PRTG: variants seen among roughly 807,000 people sequenced by gnomAD.
PRTG encodes the protein immunoglobulin superfamily, DCC subclass, member 5.
A neutral mutation model predicts 122.5 loss-of-function variants in PRTG; 67 were observed. That is an observed-to-expected ratio of 0.55 (90% CI 0.45 to 0.67). The LOEUF (loss-of-function observed/expected upper bound fraction) is 0.67. Among genes scored for constraint, PRTG ranks in the 30% least tolerant of loss-of-function variants. PRTG has a pLI of 0.00. For synonymous variants in PRTG, 554 were observed against 501.1 expected (o/e 1.11, Z -1.41); for missense variants, 1,435 against 1,415.4 (o/e 1.01, Z -0.22).
At chr15:55,687,944 C>T (rs550952935) in intron 2 of PRTG, among the ~76,000 whole-genome samples, 10 of 152,284 alleles carry the variant, frequency 6.6e-5, no homozygotes, top group Admixed American at 6.5e-4. Flanking sequence ...ATCTGGACAC[C>T]AATCCCAATC....
Position 55,620,530 on chromosome 15 carries a change from C to T in PRTG, c.3198+133G>A, listed in dbSNP as rs2059160461. 7 of 1,357,074 alleles carry T rather than the reference C, an allele frequency of 5.2e-6. No homozygotes were observed. In the Admixed American group the frequency reaches 8.9e-5, roughly 17 times the overall value. The allele number at this position is 1,357,074 out of a possible 1,614,324, so 84.1% of individuals were successfully genotyped here. A position where few individuals can be genotyped will look rare whatever the true frequency, so the allele number is the denominator to read the frequency against. On this transcript the variant is annotated intron_variant, in intron 19 of 19. Coordinates refer to ENST00000389286, the MANE Select transcript of PRTG (RefSeq NM_173814.6). Reference sequence around the variant, plus strand: ...ACCTCGCTCTCCACAGAGCCATGCCCCAAATTAATAAAATCACAGCCATGA... The same window carrying T: ...ACCTCGCTCTCCACAGAGCCATGCCTCAAATTAATAAAATCACAGCCATGA...
At chr15:55,735,238 A>G (rs950114488) in intron 2 of PRTG, among the ~76,000 whole-genome samples, 2 of 152,210 alleles carry the variant, frequency 1.3e-5, no homozygotes, top group African/African-American at 4.8e-5. Context: ...TGCCTGACTT[A>G]ACATTCTTTT....
At chr15:55,734,190 C>T (rs777666598) in intron 2 of PRTG, among the ~76,000 whole-genome samples, 2 of 152,162 alleles carry the variant, frequency 1.3e-5, no homozygotes, top group African/African-American at 4.8e-5. Flanking sequence ...GCTGAGATAC[C>T]TAACTACCAC....
In PRTG at chr15:55,616,535, C is replaced by T. The variant is rs1299278919; in HGVS notation, c.*3477G>A. On this transcript the variant is annotated 3_prime_UTR_variant, in exon 20 of 20. Transcript: ENST00000389286. Reference sequence around the variant, plus strand: ...CAAGGTGCTTTGGAAAGTATCACATCATTTGGCAAAAACATCATGTGGCTG... The same window carrying T: ...CAAGGTGCTTTGGAAAGTATCACATTATTTGGCAAAAACATCATGTGGCTG... 2 of 152,102 alleles carry T rather than the reference C, an allele frequency of 1.3e-5. No homozygotes were observed. Among genetic ancestry groups the T allele is most frequent in the African/African-American group, 2.4e-5 (1 of 41,422 alleles). 9.4% of individuals were successfully genotyped at this position (152,102 alleles called of 1,614,324 possible). A position where few individuals can be genotyped will look rare whatever the true frequency, so the allele number is the denominator to read the frequency against.
At chr15:55,635,657 T>C (rs1353869566) in intron 15 of PRTG, among the ~76,000 whole-genome samples, 1 of 152,218 alleles carries the variant, frequency 6.6e-6, no homozygotes, top group Non-Finnish European at 1.5e-5. Flanking sequence ...TTAGTGGGGC[T>C]TCCGCTTAAT....
At chr15:55,697,962 T>C (rs910387331) in intron 2 of PRTG, among the ~76,000 whole-genome samples, 2 of 152,198 alleles carry the variant, frequency 1.3e-5, no homozygotes, top group Admixed American at 1.3e-4. Flanking sequence ...ATAAACACCA[T>C]TGATTCTTCT....
At chr15:55,661,587 T>C (rs1466866291) in intron 11 of PRTG, among the ~76,000 whole-genome samples, 1 of 152,200 alleles carries the variant, frequency 6.6e-6, no homozygotes, top group Non-Finnish European at 1.5e-5. Context: ...CTCTTTCTTT[T>C]CTTTTTTAAG....
At chr15:55,740,074 G>A (rs558816506) in intron 2 of PRTG, among the ~76,000 whole-genome samples, 4 of 152,074 alleles carry the variant, frequency 2.6e-5, no homozygotes, top group East Asian at 1.9e-4. Flanking sequence ...CTTTTGTTGC[G>A]TTGGCCAAAC....
intron 17 of PRTG, 79 bp from the exon 18 acceptor site, chr15:55,624,586 A>C: frequency 2.4e-6 from 3 of 1,225,702 alleles, no homozygotes; most frequent in Non-Finnish European, 3.4e-6. Flanking sequence ...CTATCAACAA[A>C]ACTTTGTAAG....
intron 16 of PRTG, 109 bp from the exon 17 acceptor site, chr15:55,627,237 G>T: frequency 8.8e-6 from 5 of 567,050 alleles, no homozygotes; most frequent in South Asian, 3.4e-5. Flanking sequence ...CATAGGAAAA[G>T]TTTTGACATT....
chr15:55,672,971 C>T (rs1002408250), intron 10 of PRTG, among the ~76,000 whole-genome samples: 1 of 151,972 alleles, frequency 6.6e-6, no homozygotes, highest in African/African-American at 2.4e-5. Flanking sequence ...AACAAGAAAA[C>T]CAGTCGTGTT....
intron 2 of PRTG, among the ~76,000 whole-genome samples, chr15:55,693,462 A>G (rs2059616191): frequency 1.3e-5 from 2 of 152,114 alleles, no homozygotes; most frequent in Admixed American, 6.5e-5. Context: ...GTCTCAGAAA[A>G]AAAAAAAAAA....
intron 12 of PRTG, among the ~76,000 whole-genome samples, chr15:55,640,649 T>C (rs1340127805): frequency 1.3e-5 from 2 of 152,224 alleles, no homozygotes; most frequent in South Asian, 2.1e-4. Context: ...GTCTTTTGTA[T>C]GCAAAATGAA....
chr15:55,689,121 C>G (rs1244352394), intron 2 of PRTG, among the ~76,000 whole-genome samples: 1 of 152,194 alleles, frequency 6.6e-6, no homozygotes, highest in African/African-American at 2.4e-5. Flanking sequence ...TTCCCTTCCC[C>G]TCTTCAAAAC....
intron 18 of PRTG, among the ~76,000 whole-genome samples, chr15:55,623,741 G>A (rs752781329): frequency 1.3e-5 from 2 of 152,100 alleles, no homozygotes; most frequent in Non-Finnish European, 2.9e-5. Context: ...AATTTTAAAA[G>A]TTATTGTTCA....
At chr15:55,649,346 T>C (rs1376230659) in intron 11 of PRTG, among the ~76,000 whole-genome samples, 1 of 152,162 alleles carries the variant, frequency 6.6e-6, no homozygotes, top group Non-Finnish European at 1.5e-5. Flanking sequence ...TGTACCTTGG[T>C]TACAATCACC....
intron 11 of PRTG, among the ~76,000 whole-genome samples, chr15:55,642,120 G>A (rs1422374160): frequency 7.1e-5 from 10 of 141,508 alleles, no homozygotes; most frequent in Non-Finnish European, 1.5e-4. Context: ...CTTGCAGTGA[G>A]CCGAGATTGC....
Position 55,620,279 on chromosome 15 carries a change from A to T in PRTG, c.3199-13T>A. ...ATCTTCTTTGAGGCTAGGCAAAAAA[A>T]GATAAGATGGCAATGAGATACCAGA... On this transcript the variant is annotated splice_polypyrimidine_tract_variant and intron_variant, in intron 19 of 19. Transcript: ENST00000389286. 6.2e-7 allele frequency: 1 copy of T among 1,612,996 alleles called. No homozygotes were observed. Among genetic ancestry groups the T allele is most frequent in the Non-Finnish European group, 8.5e-7 (1 of 1,179,486 alleles).
rs56275705 is a variant in PRTG, at chr15:55,706,014, A to ATTTTTTTTTTTT, written c.398-22095_398-22084dup. Among the ~76,000 whole-genome samples the ATTTTTTTTTTTT allele has an allele frequency of 8.5e-5, 8 of 94,362 alleles. 1 individual carries two copies. Among genetic ancestry groups the ATTTTTTTTTTTT allele is most frequent in the African/African-American group, 3.2e-4 (7 of 22,124 alleles). The allele number at this position is 94,362 out of a possible 152,430, so 61.9% of individuals were successfully genotyped here. ...ATGCGCATGCCACCATGCCCAGCTA[A>ATTTTTTTTTTTT]TTTTTTTTTTTTTTTTTTTGTATTT... On this transcript the variant is annotated intron_variant, in intron 2 of 19. Coordinates refer to ENST00000389286, the MANE Select transcript of PRTG (RefSeq NM_173814.6).
Sources: allele counts gnomAD v4.1 joint callset (sites outside exome capture counted in the v4.1 genomes callset), GRCh38; gene constraint gnomAD v4.1.1; transcripts MANE v1.5; gene names NCBI Gene and HGNC (gene_info 2026-07-23, HGNC 2026-07-21).